The following ZC3H12B variants were observed in gnomAD, a reference collection of about 807,000 sequenced individuals.
ZC3H12B encodes probable ribonuclease ZC3H12B.
ZC3H12B carries 7 observed loss-of-function variants against 43.9 expected under a neutral mutation model. That is an observed-to-expected ratio of 0.16 (90% confidence interval 0.09 to 0.30). The LOEUF (loss-of-function observed/expected upper bound fraction) is 0.30. Ranked by LOEUF, ZC3H12B falls within the 10% of genes least tolerant of loss-of-function variation. The pLI is 1.00. For synonymous variants in ZC3H12B, 222 were observed against 241.7 expected, an observed-to-expected ratio of 0.92 and a Z score of 0.76; for missense variants, 475 against 670.2, an observed-to-expected ratio of 0.71 and a Z score of 3.22.
At chrX:65,058,825 C>G in the ZC3H12B span, among the ~76,000 whole-genome samples, 1 of 112,217 alleles carries the variant, frequency 8.9e-6, no homozygotes, top group Non-Finnish European at 1.9e-5. Context: ...GGATCTCAGA[C>G]TGCTGTGCTA....
chrX:65,119,089 G>A, the ZC3H12B span, among the ~76,000 whole-genome samples: 1 of 111,105 alleles, frequency 9.0e-6, no homozygotes, highest in African/African-American at 3.3e-5. Context: ...TTGCTATTGT[G>A]AATAGTGCTG....
At chrX:65,178,987 A>C in the ZC3H12B span, among the ~76,000 whole-genome samples, 3 of 112,360 alleles carry the variant, frequency 2.7e-5, no homozygotes, top group African/African-American at 9.7e-5. Flanking sequence ...TATTTTCAAT[A>C]GCAAAGACTT....
the ZC3H12B span, among the ~76,000 whole-genome samples, chrX:65,316,963 A>G: frequency 1.8e-4 from 20 of 111,768 alleles, no homozygotes; most frequent in Non-Finnish European, 2.6e-4. Context: ...TCTACAGAGC[A>G]AATGGAAAAC....
chrX:65,071,387 C>A, the ZC3H12B span, among the ~76,000 whole-genome samples: 1 of 107,309 alleles, frequency 9.3e-6, no homozygotes, highest in Non-Finnish European at 1.9e-5. Flanking sequence ...AAACACCATA[C>A]CATTGGGCCT....
chrX:65,057,845 A>G, the ZC3H12B span, among the ~76,000 whole-genome samples: 1 of 111,592 alleles, frequency 9.0e-6, no homozygotes. Flanking sequence ...ATCTTCCATC[A>G]CTGATACCCT....
At chrX:65,341,703 G>GA in the ZC3H12B span, among the ~76,000 whole-genome samples, 1 of 109,063 alleles carries the variant, frequency 9.2e-6, no homozygotes, top group East Asian at 2.9e-4. Flanking sequence ...AACAACTCCT[G>GA]AAAAAAGCAC....
the ZC3H12B span, among the ~76,000 whole-genome samples, chrX:65,077,006 G>A: frequency 9.0e-6 from 1 of 111,158 alleles, no homozygotes; most frequent in East Asian, 2.8e-4. Context: ...TGAATATTTT[G>A]GTTACTATTT....
intron 3 of ZC3H12B, among the ~76,000 whole-genome samples, chrX:65,473,665 C>T (rs1343785120): frequency 8.9e-6 from 1 of 112,093 alleles, no homozygotes; most frequent in Non-Finnish European, 1.9e-5. Flanking sequence ...GACTGGGATG[C>T]CTCTTCTTTC....
the ZC3H12B span, among the ~76,000 whole-genome samples, chrX:65,213,062 C>G: frequency 9.2e-6 from 1 of 108,634 alleles, no homozygotes; most frequent in Non-Finnish European, 1.9e-5. Context: ...TCCACCTCCC[C>G]ATATTATACT....
the ZC3H12B span, among the ~76,000 whole-genome samples, chrX:65,237,867 GTTAA>G: frequency 9.0e-6 from 1 of 111,556 alleles, no homozygotes; most frequent in Non-Finnish European, 1.9e-5. Flanking sequence ...AATTACATTT[GTTAA>G]TTAATGTATG....
At chrX:65,037,561 T>C in the ZC3H12B span, among the ~76,000 whole-genome samples, 1 of 111,808 alleles carries the variant, frequency 8.9e-6, no homozygotes, top group African/African-American at 3.2e-5. Context: ...ATAATCATCC[T>C]ATTTCCTGAG....
chrX:65,098,958 G>C, the ZC3H12B span, among the ~76,000 whole-genome samples: 2 of 111,404 alleles, frequency 1.8e-5, no homozygotes, highest in Non-Finnish European at 3.8e-5. Context: ...CTCCCAAAGA[G>C]CCCAGCAAGC....
At chrX:65,214,369 A>G in the ZC3H12B span, among the ~76,000 whole-genome samples, 1,099 of 112,072 alleles carry the variant, frequency 9.8e-3, 16 homozygotes, top group African/African-American at 0.034. Context: ...AATCCTCTAA[A>G]ATTTTGCTGC....
At chrX:65,465,121 G>A (rs891158590) in intron 3 of ZC3H12B, among the ~76,000 whole-genome samples, 6 of 110,981 alleles carry the variant, frequency 5.4e-5, no homozygotes, top group Non-Finnish European at 1.1e-4. Flanking sequence ...TGGTTAGTTG[G>A]TTTGTAGAAA....
rs1223708424 is a variant in ZC3H12B at position 65,467,729 on chromosome X, G to C, written n.408-20917G>C. On this transcript the variant is annotated intron_variant and non_coding_transcript_variant, in intron 3 of 5. Coordinates refer to the ZC3H12B transcript ENST00000617377. ...ATGTTGAGTATTTTTTCATATGTTT[G>C]TTGGCCATTTGTATATCTCCTTTTG... is the stretch of plus-strand genomic sequence containing the variant. Among the ~76,000 whole-genome samples, 7 of 111,777 alleles carry C rather than the reference G, an allele frequency of 6.3e-5. No homozygotes were observed. In the Admixed American group the frequency reaches 6.7e-4, roughly 11 times the overall value.
the ZC3H12B span, among the ~76,000 whole-genome samples, chrX:65,055,740 TATTA>T: frequency 8.9e-6 from 1 of 111,741 alleles, no homozygotes; most frequent in African/African-American, 3.3e-5. Context: ...GTTGGTATGC[TATTA>T]ATTATTGCCT....
At chrX:65,225,465 C>A in the ZC3H12B span, among the ~76,000 whole-genome samples, 1 of 112,261 alleles carries the variant, frequency 8.9e-6, no homozygotes. Flanking sequence ...AAAAGCAGAG[C>A]GTCTCTCCTC....
the ZC3H12B span, among the ~76,000 whole-genome samples, chrX:65,244,727 C>CAAAAAAAAAAAAAAAAAAAAAAAAAAAAA: frequency 9.8e-5 from 2 of 20,391 alleles, no homozygotes; most frequent in Non-Finnish European, 1.7e-4. Flanking sequence ...AATACCTTGC[C>CAAAAAAAAAAAAAAAAAAAAAAAAAAAAA]AAAAAAAAAA....
the ZC3H12B span, among the ~76,000 whole-genome samples, chrX:65,159,692 A>G: frequency 8.9e-6 from 1 of 111,884 alleles, no homozygotes; most frequent in African/African-American, 3.2e-5. Flanking sequence ...TAGATATACA[A>G]TCATGTCATC....
Sources: gnomAD v4.1 joint callset for allele counts (sites outside exome capture counted in the v4.1 genomes callset) on GRCh38, gnomAD v4.1.1 for gene constraint, MANE v1.5 for transcripts, NCBI Gene and HGNC (gene_info 2026-07-23, HGNC 2026-07-21) for gene names.